EIF2B3: variants seen among roughly 807,000 people sequenced by gnomAD.
EIF2B3 encodes the protein eukaryotic translation initiation factor 2B subunit gamma.
EIF2B3 carries 20 observed loss-of-function variants against 54.1 expected under a neutral mutation model. The observed-to-expected ratio is 0.37, with a 90% CI of 0.26 to 0.54. EIF2B3 has a LOEUF of 0.54. Ranked by LOEUF, EIF2B3 falls within the 20% of genes least tolerant of loss-of-function variation. The pLI is 0.86. For synonymous variants in EIF2B3, 153 were observed against 188.1 expected (o/e 0.81, Z 1.52); for missense variants, 448 against 547.8 (o/e 0.82, Z 1.82).
intron 5 of EIF2B3, among the ~76,000 whole-genome samples, chr1:44,926,319 G>T (rs1271812905): frequency 2.6e-5 from 4 of 151,596 alleles, no homozygotes; most frequent in East Asian, 3.9e-4. Flanking sequence ...TATGTCATGT[G>T]TTTTTTTTAC....
chr1:44,877,169 G>A (rs1192863575), intron 8 of EIF2B3, among the ~76,000 whole-genome samples: 8 of 108,230 alleles, frequency 7.4e-5, no homozygotes, highest in Admixed American at 1.1e-4. Context: ...CCCCCTCTGC[G>A]AGAAACACCC....
intron 3 of EIF2B3, among the ~76,000 whole-genome samples, chr1:44,942,013 AAG>A (rs1201519624): frequency 6.6e-6 from 1 of 152,122 alleles, no homozygotes; most frequent in African/African-American, 2.4e-5. Context: ...TATAGTTTAA[AAG>A]AGCATTTTCA....
chr1:44,879,758 C>G lies in EIF2B3; in HGVS notation c.975+60G>C. 3 of 1,577,304 alleles carry G rather than the reference C, an allele frequency of 1.9e-6. No individual in the cohort carries two copies. The South Asian group carries it at 3.3e-5, about 18-fold the overall frequency. ...ACTATGTACCTAATGAAGAAACAGA[C>G]AAGTGGCTCAGTCTGTTTCTAGGAC... On this transcript the variant is annotated intron_variant, in intron 8 of 11. Coordinates refer to ENST00000360403, the MANE Select transcript of EIF2B3 (RefSeq NM_020365.5).
intron 3 of EIF2B3, among the ~76,000 whole-genome samples, chr1:44,969,018 C>A (rs763227768): frequency 6.6e-6 from 1 of 152,060 alleles, no homozygotes; most frequent in African/African-American, 2.4e-5. Flanking sequence ...ACATTATATG[C>A]GCCCTCCTTT....
At chr1:44,941,474 C>T in intron 4 of EIF2B3, 32 bp downstream of exon 4, 3 of 1,582,154 alleles carry the variant, frequency 1.9e-6, no homozygotes, top group African/African-American at 1.4e-5. Context: ...TACGAAAACT[C>T]AACAAACAAA....
chr1:44,936,149 G>A (rs374338183), intron 4 of EIF2B3, among the ~76,000 whole-genome samples: 10 of 152,146 alleles, frequency 6.6e-5, no homozygotes, highest in East Asian at 5.8e-4. Flanking sequence ...CCATTTCCCC[G>A]CACAGCCTTA....
chr1:44,904,734 C>T lies in EIF2B3; in HGVS notation c.567-7290G>A, dbSNP rs534212107. ...TTCACCGTGTTAGCCAGGATGGTCTCGATCTCCTGACCTCGTGATCTGCCC... is the reference window on the plus strand; with the variant it reads ...TTCACCGTGTTAGCCAGGATGGTCTTGATCTCCTGACCTCGTGATCTGCCC... On this transcript the variant is annotated intron_variant, in intron 5 of 11. Coordinates refer to ENST00000360403, the MANE Select transcript of EIF2B3 (RefSeq NM_020365.5). 1.1e-4 allele frequency among the ~76,000 whole-genome samples: 16 copies of T among 152,234 alleles called. No homozygotes were observed. In the East Asian group the frequency reaches 1.5e-3, roughly 15 times the overall value.
chr1:44,936,971 C>T (rs1183817808), intron 4 of EIF2B3, among the ~76,000 whole-genome samples: 1 of 152,128 alleles, frequency 6.6e-6, no homozygotes, highest in Non-Finnish European at 1.5e-5. Flanking sequence ...AGGTAATTTG[C>T]CCAAAATCCC....
intron 6 of EIF2B3, among the ~76,000 whole-genome samples, chr1:44,882,554 C>T (rs1655437621): frequency 6.6e-6 from 1 of 151,140 alleles, no homozygotes; most frequent in Non-Finnish European, 1.5e-5. Context: ...GTGATTCTCC[C>T]ACCTCAGCCT....
chr1:44,938,172 C>G (rs1245381147), intron 4 of EIF2B3, among the ~76,000 whole-genome samples: 1 of 152,028 alleles, frequency 6.6e-6, no homozygotes, highest in African/African-American at 2.4e-5. Context: ...TTCTGGCACA[C>G]AACAGCAGCC....
rs767001961 is a variant in EIF2B3 at position 44,879,824 on chromosome 1, G to A, written c.969C>T (p.Asn323=). ...TTCTAACTCATGCTCTCACCTGTCT[G>A]TTTGCTTCCATGTAGAGTCCCAGTG... ...VSTLGLYMEA[N]RQVPKLLSAL... The change falls in exon 8 of 12, where the codon AAC becomes AAT. Residue 323 remains asparagine (N), a synonymous_variant. Transcript: ENST00000360403. The A allele has an allele frequency of 2.2e-5, 35 of 1,613,666 alleles. No individual in the cohort carries two copies. Among genetic ancestry groups the A allele is most frequent in the Middle Eastern group, 1.7e-4 (1 of 5,812 alleles).
At chr1:44,959,939 T>C (rs1644267196) in intron 3 of EIF2B3, among the ~76,000 whole-genome samples, 1 of 152,250 alleles carries the variant, frequency 6.6e-6, no homozygotes, top group African/African-American at 2.4e-5. Flanking sequence ...CATATCTGTA[T>C]ATGTAAGTGT....
intron 11 of EIF2B3, among the ~76,000 whole-genome samples, chr1:44,852,123 T>G (rs1654292550): frequency 6.6e-6 from 1 of 150,696 alleles, no homozygotes; most frequent in African/African-American, 2.4e-5. Context: ...TAATTTTTTT[T>G]TTTTTTTTTT....
intron 3 of EIF2B3, among the ~76,000 whole-genome samples, chr1:44,977,411 T>C (rs1644463320): frequency 6.6e-6 from 1 of 152,176 alleles, no homozygotes; most frequent in African/African-American, 2.4e-5. Context: ...TACATTAACA[T>C]TGCTTGTTCA....
intron 4 of EIF2B3, among the ~76,000 whole-genome samples, chr1:44,937,962 T>C (rs1366479726): frequency 1.1e-5 from 1 of 93,016 alleles, no homozygotes; most frequent in East Asian, 3.3e-4. Flanking sequence ...AGTCTAAACA[T>C]GAATTTGATC....
intron 7 of EIF2B3, among the ~76,000 whole-genome samples, 154 bp from the exon 8 acceptor site, chr1:44,880,162 C>T (rs895697985): frequency 2.0e-5 from 3 of 152,142 alleles, no homozygotes; most frequent in Non-Finnish European, 4.4e-5. Flanking sequence ...GGGATCCTCC[C>T]ACCTCAGCTT....
intron 5 of EIF2B3, among the ~76,000 whole-genome samples, chr1:44,925,993 C>T (rs535811833): frequency 1.1e-3 from 172 of 151,548 alleles, no homozygotes; most frequent in African/African-American, 3.8e-3. Flanking sequence ...TTTGGGGGGC[C>T]GAGGTGGGCG....
At chr1:44,856,528 T>TAAAAAA (rs150728949) in intron 11 of EIF2B3, among the ~76,000 whole-genome samples, 8 of 102,330 alleles carry the variant, frequency 7.8e-5, no homozygotes, top group African/African-American at 9.9e-5. Context: ...AAATTAAAAT[T>TAAAAAA]AAAAAAAAAA....
chr1:44,959,343 G>T, intron 3 of EIF2B3: 2 of 601,136 alleles, frequency 3.3e-6, no homozygotes, highest in Non-Finnish European at 6.1e-6. Context: ...TCTGAGTGGT[G>T]AATTAGAGCA....
Sources: allele counts gnomAD v4.1 joint callset (sites outside exome capture counted in the v4.1 genomes callset), GRCh38; gene constraint gnomAD v4.1.1; transcripts MANE v1.5; gene names NCBI Gene and HGNC (gene_info 2026-07-23, HGNC 2026-07-21).